COL7A1: variants seen among roughly 807,000 people sequenced by gnomAD.
The protein encoded by COL7A1 is collagen type VII alpha 1 chain.
Under a neutral mutation model 456.2 loss-of-function variants are expected in COL7A1, and 296 were observed. The ratio of observed to expected loss-of-function variants is 0.65; its 90% CI spans 0.59 to 0.71. The LOEUF is 0.71. Ranked by LOEUF, COL7A1 falls within the 30% of genes least tolerant of loss-of-function variation. The pLI is 0.00. For synonymous variants in COL7A1, 1,464 were observed against 1,525.9 expected (o/e 0.96, Z 0.95); for missense variants, 3,441 against 4,017.2 (o/e 0.86, Z 3.88).
chr3:48,568,885 T>A lies in COL7A1; in HGVS notation c.7687-30A>T. On this transcript the variant is annotated intron_variant, in intron 103 of 118. Transcript: ENST00000681320. The surrounding 1 kb of genome is among the most constrained non-coding windows in gnomAD (Gnocchi z 5.2). ...GGGAGTGACCAGGAGAGGGATTCAGTCAGGACCAGATCAGGCTGGGGGCTT... is the reference window on the plus strand; with the variant it reads ...GGGAGTGACCAGGAGAGGGATTCAGACAGGACCAGATCAGGCTGGGGGCTT... 1 of 1,557,874 alleles carries A rather than the reference T, an allele frequency of 6.4e-7. No homozygotes were observed. The highest frequency in any genetic ancestry group is 8.7e-7 in the Non-Finnish European group (1 of 1,148,754).
In COL7A1 at chr3:48,595,056, C is replaced by T; in HGVS notation, c.85+19G>A. 1 of 1,542,628 alleles carries T rather than the reference C, an allele frequency of 6.5e-7. No individual in the cohort carries two copies. The highest frequency in any genetic ancestry group is 8.8e-7 in the Non-Finnish European group (1 of 1,142,638). The stretch of plus-strand genomic sequence containing the variant: ...CACGGTGCAGTGCCCCGGGCCGGGT[C>T]CTCCCTTGCGGTGCCCACCTCTCTC... On this transcript the variant is annotated intron_variant, in intron 2 of 118. Transcript: ENST00000681320.
In COL7A1 at chr3:48,594,710, G is replaced by A. The variant is rs988689390; in HGVS notation, c.86-162C>T. On this transcript the variant is annotated intron_variant, in intron 2 of 118. Coordinates refer to ENST00000681320, the MANE Select transcript of COL7A1 (RefSeq NM_000094.4). This position sits in a 1 kb window ranked among gnomAD's most constrained non-coding sequence, Gnocchi z 5.5. ...GCCTGAGGGCCTTGGAGGGAGTTGA[G>A]CTCGGTGGGTCCCAGAGCAGACTCC... Among the ~76,000 whole-genome samples the A allele has an allele frequency of 3.4e-5, 5 of 144,946 alleles. No homozygotes were observed. The highest frequency in any genetic ancestry group is 4.6e-5 in the Non-Finnish European group (3 of 65,018).
intron 44 of COL7A1, 50 bp from the exon 45 acceptor site, chr3:48,582,703 A>T: frequency 6.3e-7 from 1 of 1,593,592 alleles, no homozygotes. Flanking sequence ...GACGGGGGAT[A>T]TGGACAGACA....
At position 48,585,614 on chromosome 3, in the gene COL7A1, C is replaced by A. The variant is rs146903823; in HGVS notation, c.3837G>T (p.Arg1279Ser). ...GCCCCTGGGGGCCGGGAGCACCGGT[C>A]CTGCCCTGAAAGAAGATAGCAGTTA... is the stretch of plus-strand genomic sequence containing the variant. Reference protein sequence around the residue: ...GPPGDPGLPGRTGAPGPQGPP... With the variant: ...GPPGDPGLPGSTGAPGPQGPP... Residue 1279 changes from arginine to serine, a missense_variant, in exon 32 of 119, where the codon AGG becomes AGT. Coordinates refer to ENST00000681320, the MANE Select transcript of COL7A1 (RefSeq NM_000094.4). This position sits in a 1 kb window ranked among gnomAD's most constrained non-coding sequence, Gnocchi z 4.5. 3 of 1,613,870 alleles carry A rather than the reference C, an allele frequency of 1.9e-6. No individual in the cohort carries two copies. In the African/African-American group the frequency reaches 4.0e-5, roughly 22 times the overall value.
rs767803194 is a variant in COL7A1, at chr3:48,566,479, C to T, written c.8358+31G>A. On this transcript the variant is annotated intron_variant, in intron 113 of 118. Coordinates refer to ENST00000681320, the MANE Select transcript of COL7A1 (RefSeq NM_000094.4). This position sits in a 1 kb window ranked among gnomAD's most constrained non-coding sequence, Gnocchi z 5.9. The stretch of plus-strand genomic sequence containing the variant: ...CCCAGCCCACCCAGGCCCACCCAGG[C>T]CCTCCCAGGCCCATCCAGGCCCACA... The T allele has an allele frequency of 6.2e-7, 1 of 1,612,918 alleles. No homozygotes were observed.
Position 48,594,288 on chromosome 3 carries a change from T to C in COL7A1, c.266+80A>G, listed in dbSNP as rs2045915292. ...GTTTCTGCAAAGACCTGGCCTGGGG[T>C]TTCCAGGGTCTCCTCCCTCTCTGGG... On this transcript the variant is annotated intron_variant, in intron 3 of 118. Transcript: ENST00000681320. The surrounding 1 kb of genome is among the most constrained non-coding windows in gnomAD (Gnocchi z 5.5). 3 of 1,545,852 alleles carry C rather than the reference T, an allele frequency of 1.9e-6. No individual in the cohort carries two copies. Among genetic ancestry groups the C allele is most frequent in the Middle Eastern group, 2.3e-4 (1 of 4,294 alleles).
Position 48,568,472 on chromosome 3 carries a change from G to GC in COL7A1, c.7794+26dup, listed in dbSNP as rs774810502. ...GACGGGGGCCCTCTGGGGACAGGGGGCCCCTGTGGGAGCAGGGGCATCTTA... is the reference window on the plus strand; with the variant it reads ...GACGGGGGCCCTCTGGGGACAGGGGGCCCCCTGTGGGAGCAGGGGCATCTTA... On this transcript the variant is annotated intron_variant, in intron 105 of 118. Coordinates refer to ENST00000681320, the MANE Select transcript of COL7A1 (RefSeq NM_000094.4). This position sits in a 1 kb window ranked among gnomAD's most constrained non-coding sequence, Gnocchi z 5.2. The GC allele has an allele frequency of 6.3e-7, 1 of 1,590,458 alleles. No homozygotes were observed. The highest frequency in any genetic ancestry group is 2.3e-5 in the East Asian group (1 of 44,436).
Position 48,581,875 on chromosome 3 carries a change from C to T in COL7A1, c.4668+36G>A. The T allele has an allele frequency of 6.2e-7, 1 of 1,614,116 alleles. No individual in the cohort carries two copies. Among genetic ancestry groups the T allele is most frequent in the Non-Finnish European group, 8.5e-7 (1 of 1,180,004 alleles). On this transcript the variant is annotated intron_variant, in intron 48 of 118. Coordinates refer to ENST00000681320, the MANE Select transcript of COL7A1 (RefSeq NM_000094.4). This position sits in a 1 kb window ranked among gnomAD's most constrained non-coding sequence, Gnocchi z 5.8. The stretch of plus-strand genomic sequence containing the variant: ...AGGCCCTATGACCTAGACCTCAACC[C>T]TGTAGAAACCTCCCCTTGCCCCATA...
At position 48,586,838 on chromosome 3, in the gene COL7A1, A is replaced by G. The variant is rs2045300260; in HGVS notation, c.3276+134T>C. The G allele has an allele frequency of 6.6e-7, 1 of 1,506,786 alleles. No individual in the cohort carries two copies. The highest frequency in any genetic ancestry group is 1.4e-5 in the African/African-American group (1 of 72,254). The allele number at this position is 1,506,786 out of a possible 1,614,324, so 93.3% of individuals were successfully genotyped here. On this transcript the variant is annotated intron_variant, in intron 25 of 118. Transcript: ENST00000681320. This position sits in a 1 kb window ranked among gnomAD's most constrained non-coding sequence, Gnocchi z 5.1. ...ATGGCAGGATAGGGAGCCAGGCAGT[A>G]GGTGAGGTCTGGAGCCTGTGAGAGA...
Position 48,578,215 on chromosome 3 carries a change from T to TGCATGTGTCTACACGTGTGCC in COL7A1, c.5532+85_5532+105dup. On this transcript the variant is annotated intron_variant, in intron 65 of 118. Transcript: ENST00000681320. The surrounding 1 kb of genome is among the most constrained non-coding windows in gnomAD (Gnocchi z 4.7). Reference sequence around the variant, plus strand: ...ATGCATCTGTATGTCTGGGCCAGGATGCATGTGTCTACACGTGTGCCTCAT... The same window carrying TGCATGTGTCTACACGTGTGCC: ...ATGCATCTGTATGTCTGGGCCAGGATGCATGTGTCTACACGTGTGCCGCATGTGTCTACACGTGTGCCTCAT... 4 of 1,277,058 alleles carry TGCATGTGTCTACACGTGTGCC rather than the reference T, an allele frequency of 3.1e-6. No homozygotes were observed. In the South Asian group the frequency reaches 3.7e-5, roughly 12 times the overall value. The allele number at this position is 1,277,058 out of a possible 1,614,324, so 79.1% of individuals were successfully genotyped here. A position where few individuals can be genotyped will look rare whatever the true frequency, so the allele number is the denominator to read the frequency against.
chr3:48,578,883 C>T lies in COL7A1; in HGVS notation c.5424+36G>A, dbSNP rs751973358. 8.7e-6 allele frequency: 14 copies of T among 1,604,710 alleles called. No individual in the cohort carries two copies. The highest frequency in any genetic ancestry group is 4.4e-5 in the South Asian group (4 of 90,084). On this transcript the variant is annotated intron_variant, in intron 63 of 118. Transcript: ENST00000681320. This position sits in a 1 kb window ranked among gnomAD's most constrained non-coding sequence, Gnocchi z 4.7. ...GATCTGGTTGGAGCTTACGCAGCCC[C>T]GAGCCCCCTCTGTCCCAGCATCTCC... is the stretch of plus-strand genomic sequence containing the variant.
intron 68 of COL7A1, 47 bp from the exon 69 acceptor site, chr3:48,576,604 C>G: frequency 6.3e-7 from 1 of 1,595,244 alleles, no homozygotes; most frequent in Non-Finnish European, 8.5e-7. Context: ...CCATGGCTTC[C>G]CAGGAGGGTT....
At position 48,584,738 on chromosome 3, in the gene COL7A1, T is replaced by TC. The variant is rs1317641275; in HGVS notation, c.4042dup (p.Glu1348GlyfsTer12). 1 of 1,613,688 alleles carries TC rather than the reference T, an allele frequency of 6.2e-7. No homozygotes were observed. On this transcript the variant is annotated frameshift_variant, in exon 35 of 119. Coordinates refer to ENST00000681320, the MANE Select transcript of COL7A1 (RefSeq NM_000094.4). LOFTEE classifies it high-confidence loss of function. Reference sequence around the variant, plus strand: ...CTCCCTTCCCCCTTCACCTACCGGCTCCCCCTTTGGGCCTCGAGGTCCTCG... The same window carrying TC: ...CTCCCTTCCCCCTTCACCTACCGGCTCCCCCCTTTGGGCCTCGAGGTCCTCG...
rs748485497 is a variant in COL7A1 at position 48,583,873 on chromosome 3, C to T, written c.4278+27G>A. The T allele has an allele frequency of 6.2e-7, 1 of 1,613,822 alleles. No homozygotes were observed. The highest frequency in any genetic ancestry group is 1.1e-5 in the South Asian group (1 of 91,084). On this transcript the variant is annotated intron_variant, in intron 39 of 118. Transcript: ENST00000681320. The surrounding 1 kb of genome is among the most constrained non-coding windows in gnomAD (Gnocchi z 5.1). ...AGAGACCCACACCCCTGAGCAGGGC[C>T]CCCAGCAGAGCCTCAAGGCCCCTCA...
In COL7A1 at chr3:48,591,887, C is replaced by T; in HGVS notation, c.1357+11G>A. The T allele has an allele frequency of 1.2e-6, 2 of 1,614,180 alleles. No homozygotes were observed. Among genetic ancestry groups the T allele is most frequent in the South Asian group, 2.2e-5 (2 of 91,084 alleles). ...TGACCCTTGCCTGTCCATCCCTTCC[C>T]CCGCACTGACCAGTCTCACGCCGCC... On this transcript the variant is annotated intron_variant, in intron 11 of 118. Coordinates refer to ENST00000681320, the MANE Select transcript of COL7A1 (RefSeq NM_000094.4). The surrounding 1 kb of genome is among the most constrained non-coding windows in gnomAD (Gnocchi z 7.0).
Position 48,575,551 on chromosome 3 carries a change from G to T in COL7A1, c.5980-12C>A. On this transcript the variant is annotated splice_polypyrimidine_tract_variant and intron_variant, in intron 73 of 118. Coordinates refer to ENST00000681320, the MANE Select transcript of COL7A1 (RefSeq NM_000094.4). This position sits in a 1 kb window ranked among gnomAD's most constrained non-coding sequence, Gnocchi z 6.3. ...AAGCCGATGGGGCCCTGCAGGAGTGGAAGAGAGAATGCTGGTGGCTGTACA... is the reference window on the plus strand; with the variant it reads ...AAGCCGATGGGGCCCTGCAGGAGTGTAAGAGAGAATGCTGGTGGCTGTACA... 6.2e-7 allele frequency: 1 copy of T among 1,612,688 alleles called. No individual in the cohort carries two copies. Among genetic ancestry groups the T allele is most frequent in the Non-Finnish European group, 8.5e-7 (1 of 1,179,998 alleles).
At position 48,573,461 on chromosome 3, in the gene COL7A1, A is replaced by G; in HGVS notation, c.6618+52T>C. 1 of 1,613,890 alleles carries G rather than the reference A, an allele frequency of 6.2e-7. No homozygotes were observed. Among genetic ancestry groups the G allele is most frequent in the East Asian group, 2.2e-5 (1 of 44,888 alleles). On this transcript the variant is annotated intron_variant, in intron 83 of 118. Coordinates refer to ENST00000681320, the MANE Select transcript of COL7A1 (RefSeq NM_000094.4). The surrounding 1 kb of genome is among the most constrained non-coding windows in gnomAD (Gnocchi z 5.5). ...GAGGTTGGCGCACACTACCCCAGGC[A>G]TGGACACAGCTTGAAGGAGCCTCCT...
rs1039487239 is a variant in COL7A1, at chr3:48,564,726, A to G, written c.8818+57T>C. 2.5e-6 allele frequency: 4 copies of G among 1,569,548 alleles called. No individual in the cohort carries two copies. The highest frequency in any genetic ancestry group is 3.5e-6 in the Non-Finnish European group (4 of 1,152,778). On this transcript the variant is annotated intron_variant, in intron 118 of 118. Coordinates refer to ENST00000681320, the MANE Select transcript of COL7A1 (RefSeq NM_000094.4). The surrounding 1 kb of genome is among the most constrained non-coding windows in gnomAD (Gnocchi z 6.0). ...CCTGGCCCAAGGACTCCTCCCCCAGAACCCGATCCAGGCAGGCTCAGTGCC... is the reference window on the plus strand; with the variant it reads ...CCTGGCCCAAGGACTCCTCCCCCAGGACCCGATCCAGGCAGGCTCAGTGCC...
chr3:48,588,022 GCT>G lies in COL7A1; in HGVS notation c.2711-85_2711-84del, dbSNP rs563372496. 98 of 1,480,280 alleles carry G rather than the reference GCT, an allele frequency of 6.6e-5. No homozygotes were observed. The African/African-American group carries it at 9.3e-4, about 14-fold the overall frequency. The allele number at this position is 1,480,280 out of a possible 1,614,324, so 91.7% of individuals were successfully genotyped here. A position where few individuals can be genotyped will look rare whatever the true frequency, so the allele number is the denominator to read the frequency against. ...ATTAAAGGGCCTGCCCACTTCACTG[GCT>G]CTGTTAACTGGGTTCACCCTCCTGA... On this transcript the variant is annotated intron_variant, in intron 21 of 118. Transcript: ENST00000681320. This position sits in a 1 kb window ranked among gnomAD's most constrained non-coding sequence, Gnocchi z 4.6.
Sources: allele counts gnomAD v4.1 joint callset (sites outside exome capture counted in the v4.1 genomes callset), GRCh38; gene constraint gnomAD v4.1.1; non-coding constraint Gnocchi (gnomAD v3.1); transcripts MANE v1.5; gene names NCBI Gene and HGNC (gene_info 2026-07-23, HGNC 2026-07-21).